QSOX2: variants seen among roughly 807,000 people sequenced by gnomAD.
QSOX2 encodes the protein sulfhydryl oxidase 2.
A neutral mutation model predicts 61.7 loss-of-function variants in QSOX2; 46 were observed. The ratio of observed to expected loss-of-function variants is 0.75; its 90% CI spans 0.59 to 0.95. The LOEUF is 0.95. Ranked by LOEUF, QSOX2 falls within the 40% of genes least tolerant of loss-of-function variation. The pLI is 0.00. For missense variants in QSOX2, 879 were observed against 918.9 expected (o/e 0.96, Z 0.56); for synonymous variants, 383 against 388.4 (o/e 0.99, Z 0.16).
rs375685716 is a variant in QSOX2 at position 136,211,342 on chromosome 9, T to C, written c.1471A>G (p.Met491Val). The stretch of plus-strand genomic sequence containing the variant: ...TGGTCTGGGGTTTTCACCGAGTCCA[T>C]GGATTCTTTAGCCATTTCCTCAAAG... Reference protein sequence around the residue: ...EHFEEMAKESMDSVKTPDQAI... With the variant: ...EHFEEMAKESVDSVKTPDQAI... The change falls in exon 11 of 12, where the codon ATG becomes GTG. Residue 491 changes from methionine to valine, a missense_variant. Transcript: ENST00000358701. 34 of 1,614,102 alleles carry C rather than the reference T, an allele frequency of 2.1e-5. No homozygotes were observed. Among genetic ancestry groups the C allele is most frequent in the African/African-American group, 1.3e-5 (1 of 74,940 alleles).
chr9:136,214,206 G>A (rs1396375589), intron 10 of QSOX2, among the ~76,000 whole-genome samples: 3 of 152,208 alleles, frequency 2.0e-5, no homozygotes, highest in African/African-American at 4.8e-5. Context: ...GTTCTGTGAA[G>A]GACAGAAAAT....
chr9:136,211,441 C>T lies in QSOX2; in HGVS notation c.1372G>A (p.Asp458Asn), dbSNP rs774943622. ...ATTGTCTGCAGCACAGCCTGGGGGT[C>T]GTCTTCAAAGCCTGCAGGGGAAGAA... Reference protein sequence around the residue: ...DALVGTGFEDDPQAVLQTMRR... With the variant: ...DALVGTGFEDNPQAVLQTMRR... Residue 458 changes from aspartate (D) to asparagine (N), a missense_variant, in exon 11 of 12, where the codon GAC becomes AAC. Physicochemically the swap from Asp to Asn is conservative, Grantham distance 23. Coordinates refer to ENST00000358701, the MANE Select transcript of QSOX2 (RefSeq NM_181701.4). The T allele has an allele frequency of 6.2e-6, 10 of 1,613,650 alleles. No homozygotes were observed. Among genetic ancestry groups the T allele is most frequent in the South Asian group, 4.4e-5 (4 of 91,058 alleles).
At chr9:136,239,916 A>G (rs1287392903) in intron 1 of QSOX2, among the ~76,000 whole-genome samples, 2 of 152,282 alleles carry the variant, frequency 1.3e-5, no homozygotes, top group South Asian at 4.1e-4. Context: ...ATGGTAGTCC[A>G]TATTATCAAA....
Position 136,245,654 on chromosome 9 carries a change from G to A in QSOX2, c.150C>T (p.Gly50=). The A allele has an allele frequency of 1.6e-6, 2 of 1,257,024 alleles. No homozygotes were observed. Among genetic ancestry groups the A allele is most frequent in the Non-Finnish European group, 2.0e-6 (2 of 1,004,304 alleles). 77.9% of individuals were successfully genotyped at this position (1,257,024 alleles called of 1,614,324 possible). A position where few individuals can be genotyped will look rare whatever the true frequency, so the allele number is the denominator to read the frequency against. ...LAAAAVGPGA[G]GAARLYRAGE... is the part of the protein sequence containing the mutation. ...CCGCGCGGTACAGCCGCGCCGCACC[G>A]CCCGCGCCCGGCCCCACCGCCGCCG... The change falls in exon 1 of 12, where the codon GGC becomes GGT. Residue 50 remains glycine (G), a synonymous_variant. Transcript: ENST00000358701.
intron 11 of QSOX2, 33 bp downstream of exon 11, chr9:136,211,231 G>A (rs772435138): frequency 1.7e-4 from 278 of 1,607,606 alleles, no homozygotes; most frequent in Non-Finnish European, 2.2e-4. Context: ...CCCTCCGCCC[G>A]TGCTGAGCCC....
intron 1 of QSOX2, among the ~76,000 whole-genome samples, chr9:136,233,866 A>C (rs1032811354): frequency 4.6e-5 from 7 of 152,256 alleles, no homozygotes; most frequent in African/African-American, 1.7e-4. Flanking sequence ...ACAGGCACTA[A>C]AACTAAAGCA....
chr9:136,216,546 A>T, intron 9 of QSOX2, 54 bp downstream of exon 9: 1 of 1,598,152 alleles, frequency 6.3e-7, no homozygotes, highest in Non-Finnish European at 8.6e-7. Context: ...GGGCAAGGGA[A>T]GGAAGGCGAG....
intron 3 of QSOX2, among the ~76,000 whole-genome samples, chr9:136,224,576 G>A (rs7874145): frequency 2.0e-5 from 3 of 152,186 alleles, no homozygotes; most frequent in African/African-American, 7.2e-5. Context: ...AAAATTCATC[G>A]GGTGGGTACA....
Position 136,206,964 on chromosome 9 carries a change from A to G in QSOX2, c.*1764T>C, listed in dbSNP as rs920798976. ...GCCTGGTTTTCAAACTGGAAGAGAA[A>G]CACTTTGGTGTCTTCAATAACCCAG... On this transcript the variant is annotated 3_prime_UTR_variant, in exon 12 of 12. Transcript: ENST00000358701. The G allele has an allele frequency of 3.3e-5, 5 of 152,408 alleles. No homozygotes were observed. Among genetic ancestry groups the G allele is most frequent in the Non-Finnish European group, 7.3e-5 (5 of 68,046 alleles). The allele number at this position is 152,408 out of a possible 1,614,324, so 9.4% of individuals were successfully genotyped here. A position where few individuals can be genotyped will look rare whatever the true frequency, so the allele number is the denominator to read the frequency against.
At chr9:136,216,411 C>T (rs1831913940) in intron 9 of QSOX2, among the ~76,000 whole-genome samples, 189 bp downstream of exon 9, 1 of 152,250 alleles carries the variant, frequency 6.6e-6, no homozygotes, top group African/African-American at 2.4e-5. Flanking sequence ...AAACTGAAGT[C>T]CCAGCATGAC....
chr9:136,221,897 T>C lies in QSOX2; in HGVS notation c.720A>G (p.Arg240=). 1 of 1,611,874 alleles carries C rather than the reference T, an allele frequency of 6.2e-7. No homozygotes were observed. Among genetic ancestry groups the C allele is most frequent in the Non-Finnish European group, 8.5e-7 (1 of 1,178,994 alleles). ...LIPYESIVVT[R]ALDGDKAFLE... ...GAAATGCTTTGTCCCCGTCCAGTGC[T>C]CGGGTCACCACGATGCTTTCATACG... Residue 240 remains arginine, a synonymous_variant, in exon 6 of 12, where the codon CGA becomes CGG. Transcript: ENST00000358701. This position sits in a 1 kb window ranked among gnomAD's most constrained non-coding sequence, Gnocchi z 4.5.
intron 10 of QSOX2, among the ~76,000 whole-genome samples, chr9:136,212,945 C>T (rs549958485): frequency 1.3e-3 from 205 of 152,320 alleles, no homozygotes; most frequent in African/African-American, 4.5e-3. Flanking sequence ...GCGGAAGGAG[C>T]GCTGAGGGTC....
At chr9:136,224,829 C>T (rs1663049814) in intron 3 of QSOX2, 32 bp downstream of exon 3, 3 of 1,501,014 alleles carry the variant, frequency 2.0e-6, no homozygotes, top group Admixed American at 1.8e-5. Flanking sequence ...AGGGGAATCT[C>T]AGGGACTAAA....
In QSOX2 at chr9:136,224,857, T is replaced by G. The variant is rs1326419863; in HGVS notation, c.478+4A>C. ...GGACTAAAATACAATGCTTATGTCCTTACCTTTAAAATTTTCTCCAGTTGT... is the reference window on the plus strand; with the variant it reads ...GGACTAAAATACAATGCTTATGTCCGTACCTTTAAAATTTTCTCCAGTTGT... On this transcript the variant is annotated splice_donor_region_variant and intron_variant, in intron 3 of 11. Transcript: ENST00000358701. The G allele has an allele frequency of 6.3e-7, 1 of 1,583,158 alleles. No homozygotes were observed. The highest frequency in any genetic ancestry group is 1.7e-5 in the Admixed American group (1 of 58,998).
In QSOX2 at chr9:136,208,984, GCAC is replaced by G; in HGVS notation, c.1838_1840del (p.Gly613del). 6.2e-7 allele frequency: 1 copy of G among 1,613,784 alleles called. No homozygotes were observed. The highest frequency in any genetic ancestry group is 8.5e-7 in the Non-Finnish European group (1 of 1,179,776). On this transcript the variant is annotated inframe_deletion, in exon 12 of 12. Transcript: ENST00000358701. ...TGGAAGGGCAGGCCTGGGGCCCAGT[GCAC>G]CAGGTGGACGGACGCTCTGGGTGTC...
At position 136,209,165 on chromosome 9, in the gene QSOX2, C is replaced by T. The variant is rs780960010; in HGVS notation, c.1660G>A (p.Val554Met). ...TAGTGCTGCTTCAAGAATGTGAGCA[C>T]GTGGCCTTCATCCCAGCTGGCCAGG... Reference protein sequence around the residue: ...KGLASWDEGHVLTFLKQHYGR... With the variant: ...KGLASWDEGHMLTFLKQHYGR... The change falls in exon 12 of 12, where the codon GTG becomes ATG. Residue 554 changes from valine (V) to methionine (M), a missense_variant. Transcript: ENST00000358701. The surrounding 1 kb of genome is among the most constrained non-coding windows in gnomAD (Gnocchi z 5.6). 24 of 1,614,072 alleles carry T rather than the reference C, an allele frequency of 1.5e-5. No homozygotes were observed. Among genetic ancestry groups the T allele is most frequent in the Middle Eastern group, 1.6e-4 (1 of 6,084 alleles).
At position 136,245,367 on chromosome 9, in the gene QSOX2, G is replaced by T. The variant is rs572881024; in HGVS notation, c.328+109C>A. ...AGGGACTGGCTCTGCGGTAAGGAAA[G>T]AAATACGGGGGAGGGGCCCCGGGAC... On this transcript the variant is annotated intron_variant, in intron 1 of 11. Transcript: ENST00000358701. 5.5e-4 allele frequency: 507 copies of T among 914,384 alleles called. 2 individuals are homozygous for T. The South Asian group carries it at 7.9e-3, about 14-fold the overall frequency. 56.6% of individuals were successfully genotyped at this position (914,384 alleles called of 1,614,324 possible). A position where few individuals can be genotyped will look rare whatever the true frequency, so the allele number is the denominator to read the frequency against.
At chr9:136,237,433 GTCCTGTGCCACACCTGGAGCCCA>G (rs1178770508) in intron 1 of QSOX2, among the ~76,000 whole-genome samples, 32 of 140,324 alleles carry the variant, frequency 2.3e-4, no homozygotes, top group Admixed American at 1.0e-3. Context: ...CCTGGAGCCC[GTCCTGTGCCACACCTGGAGCCCA>G]TCCTGTGCCG....
intron 1 of QSOX2, among the ~76,000 whole-genome samples, chr9:136,230,063 G>A (rs1381283990): frequency 2.0e-5 from 3 of 151,864 alleles, no homozygotes; most frequent in African/African-American, 7.3e-5. Context: ...GGCAGATCAC[G>A]AGGTCAAGAG....
Sources: allele counts gnomAD v4.1 joint callset (sites outside exome capture counted in the v4.1 genomes callset), GRCh38; gene constraint gnomAD v4.1.1; non-coding constraint Gnocchi (gnomAD v3.1); transcripts MANE v1.5; gene names NCBI Gene and HGNC (gene_info 2026-07-23, HGNC 2026-07-21).